MACROD2: variants seen among roughly 807,000 people sequenced by gnomAD.
MACROD2 encodes the protein ADP-ribose glycohydrolase MACROD2.
MACROD2 carries 36 observed loss-of-function variants against 70.4 expected under a neutral mutation model. The ratio of observed to expected loss-of-function variants is 0.51; its 90% CI spans 0.39 to 0.68. The LOEUF (loss-of-function observed/expected upper bound fraction) is 0.68. Ranked by LOEUF, MACROD2 falls within the 30% of genes least tolerant of loss-of-function variation. The pLI, the probability that MACROD2 is intolerant of heterozygous loss-of-function variation, is 0.00. For synonymous variants in MACROD2, 172 were observed against 178.8 expected (o/e 0.96, Z 0.30); for missense variants, 496 against 538.4 (o/e 0.92, Z 0.78).
At position 15,855,190 on chromosome 20, in the gene MACROD2, T is replaced by G. The variant is rs563579739; in HGVS notation, c.646-7555T>G. ...CCCTATGACTGGTGGCTCTGAAAAA[T>G]GGAGGTTGGCTGCAGATACTCCAAA... On this transcript the variant is annotated intron_variant, in intron 8 of 17. Coordinates refer to ENST00000684519, the MANE Select transcript of MACROD2 (RefSeq NM_001351661.2). Among the ~76,000 whole-genome samples the G allele has an allele frequency of 2.0e-5, 3 of 152,270 alleles. No homozygotes were observed. In the South Asian group the frequency reaches 6.2e-4, roughly 32 times the overall value.
chr20:15,779,658 T>C (rs2051796383), intron 8 of MACROD2, among the ~76,000 whole-genome samples: 1 of 152,096 alleles, frequency 6.6e-6, no homozygotes, highest in Non-Finnish European at 1.5e-5. Context: ...TTGTGTGTTT[T>C]CCCCTCCACA....
chr20:14,237,527 T>A (rs2081887724), intron 3 of MACROD2, among the ~76,000 whole-genome samples: 1 of 151,280 alleles, frequency 6.6e-6, no homozygotes, highest in Non-Finnish European at 1.5e-5. Flanking sequence ...GTTCTATTAA[T>A]TCTTTATTTA....
chr20:14,409,147 CTTTTTT>C (rs11425504), intron 3 of MACROD2, among the ~76,000 whole-genome samples: 4 of 127,590 alleles, frequency 3.1e-5, no homozygotes, highest in African/African-American at 5.9e-5. Context: ...TCTGTTTTGG[CTTTTTT>C]TTTTTTTTTT....
intron 5 of MACROD2, among the ~76,000 whole-genome samples, chr20:14,991,638 C>T (rs2074904873): frequency 6.6e-6 from 1 of 152,090 alleles, no homozygotes; most frequent in Non-Finnish European, 1.5e-5. Flanking sequence ...TATGCACTGC[C>T]TACTTCAAAA....
intron 3 of MACROD2, among the ~76,000 whole-genome samples, chr20:14,424,184 G>A (rs1195446875): frequency 1.3e-5 from 2 of 152,054 alleles, no homozygotes; most frequent in Non-Finnish European, 2.9e-5. Context: ...ATAATTTTTG[G>A]TGCTACTTTA....
At position 14,839,690 on chromosome 20, in the gene MACROD2, G is replaced by A. The variant is rs1339649400; in HGVS notation, c.418+154731G>A. ...GATACTGGTGGACATTGATCAGATG[G>A]CCAGTATTTGGGTAAAACTTATATT... is the stretch of plus-strand genomic sequence containing the variant. On this transcript the variant is annotated intron_variant, in intron 5 of 17. Transcript: ENST00000684519. Among the ~76,000 whole-genome samples the A allele has an allele frequency of 3.9e-5, 6 of 152,072 alleles. No individual in the cohort carries two copies. In the East Asian group the frequency reaches 1.2e-3, roughly 29 times the overall value.
chr20:15,209,893 CTAA>C (rs1296724889), intron 5 of MACROD2, among the ~76,000 whole-genome samples: 1 of 152,270 alleles, frequency 6.6e-6, no homozygotes, highest in East Asian at 1.9e-4. Flanking sequence ...AATGTTTGAC[CTAA>C]TGTTTTCTAA....
chr20:14,966,719 T>A (rs2074640496), intron 5 of MACROD2, among the ~76,000 whole-genome samples: 1 of 151,738 alleles, frequency 6.6e-6, no homozygotes, highest in Admixed American at 6.6e-5. Context: ...CTCTTTTGCA[T>A]CTAGACTCTT....
chr20:15,783,700 G>A (rs16996528), intron 8 of MACROD2, among the ~76,000 whole-genome samples: 3,133 of 152,208 alleles, frequency 0.021, 124 homozygotes, highest in African/African-American at 0.072. Context: ...TGGAAAATGA[G>A]GCTATATGGT....
At chr20:15,479,462 CG>C (rs1325846508) in intron 7 of MACROD2, among the ~76,000 whole-genome samples, 1 of 151,386 alleles carries the variant, frequency 6.6e-6, no homozygotes, top group Admixed American at 6.6e-5. Context: ...TTAGTAGAGA[CG>C]GGGTTTCACC....
chr20:15,311,418 C>A (rs1452501861), intron 6 of MACROD2, among the ~76,000 whole-genome samples: 1 of 152,174 alleles, frequency 6.6e-6, no homozygotes, highest in South Asian at 2.1e-4. Context: ...TTTGACCCAG[C>A]AATTCCATTA....
At chr20:15,492,768 G>A (rs141101295) in intron 7 of MACROD2, among the ~76,000 whole-genome samples, 61 of 152,272 alleles carry the variant, frequency 4.0e-4, no homozygotes, top group African/African-American at 1.4e-3. Context: ...ACGGTGCCAT[G>A]CTTTCCTCAT....
At chr20:14,907,548 G>C (rs1400555872) in intron 5 of MACROD2, among the ~76,000 whole-genome samples, 3 of 152,114 alleles carry the variant, frequency 2.0e-5, no homozygotes, top group African/African-American at 7.2e-5. Context: ...TCAATGAGAA[G>C]GCAATTCACA....
chr20:15,311,167 A>G (rs1297184072), intron 6 of MACROD2, among the ~76,000 whole-genome samples: 1 of 152,180 alleles, frequency 6.6e-6, no homozygotes, highest in African/African-American at 2.4e-5. Context: ...TTTAGGATCC[A>G]TGATAAAAAC....
intron 10 of MACROD2, among the ~76,000 whole-genome samples, chr20:15,926,378 C>A (rs1305529365): frequency 2.0e-5 from 3 of 152,094 alleles, no homozygotes; most frequent in Admixed American, 6.5e-5. Context: ...TTTATTGAAC[C>A]CCTACCAGGT....
intron 6 of MACROD2, among the ~76,000 whole-genome samples, chr20:15,401,437 A>G (rs1372790721): frequency 6.6e-6 from 1 of 152,174 alleles, no homozygotes; most frequent in Non-Finnish European, 1.5e-5. Flanking sequence ...GTTTGGCAAC[A>G]TGACCTCCAA....
rs537948057 is a variant in MACROD2 at position 15,148,365 on chromosome 20, G to T, written c.419-81575G>T. Among the ~76,000 whole-genome samples the T allele has an allele frequency of 3.2e-4, 48 of 152,136 alleles. No homozygotes were observed. The South Asian group carries it at 8.3e-3, about 26-fold the overall frequency. On this transcript the variant is annotated intron_variant, in intron 5 of 17. Transcript: ENST00000684519. ...AGAAGGAGAAAAACAGGTATTAAAG[G>T]ACTAAGAATTGGGAGGACCTAGGAC...
intron 5 of MACROD2, among the ~76,000 whole-genome samples, chr20:15,038,146 T>C (rs990929851): frequency 1.3e-5 from 2 of 152,226 alleles, no homozygotes; most frequent in African/African-American, 4.8e-5. Flanking sequence ...ACCTAGCTAA[T>C]AACATTATTA....
chr20:14,336,860 T>A (rs1049957849), intron 3 of MACROD2, among the ~76,000 whole-genome samples: 1 of 152,220 alleles, frequency 6.6e-6, no homozygotes, highest in Non-Finnish European at 1.5e-5. Flanking sequence ...ACGATAGCAG[T>A]GCAAGCTTTA....
Sources: gnomAD v4.1 joint callset for allele counts (sites outside exome capture counted in the v4.1 genomes callset) on GRCh38, gnomAD v4.1.1 for gene constraint, MANE v1.5 for transcripts, NCBI Gene and HGNC (gene_info 2026-07-23, HGNC 2026-07-21) for gene names.